TAPT1: variants seen among roughly 807,000 people sequenced by gnomAD.
TAPT1 encodes transmembrane anterior posterior transformation protein 1 homolog.
Under a neutral mutation model 65.6 loss-of-function variants are expected in TAPT1, and 28 were observed. The ratio of observed to expected loss-of-function variants is 0.43; its 90% confidence interval spans 0.32 to 0.59. The LOEUF is 0.59. Ranked by LOEUF, TAPT1 falls within the 20% of genes least tolerant of loss-of-function variation. TAPT1 has a pLI of 0.09. For missense variants in TAPT1, 563 were observed against 679.9 expected, an observed-to-expected ratio of 0.83 and a Z score of 1.91; for synonymous variants, 278 against 245.2, an observed-to-expected ratio of 1.13 and a Z score of -1.25.
chr4:16,207,233 A>G (rs892007444), intron 2 of TAPT1, among the ~76,000 whole-genome samples: 1 of 152,248 alleles, frequency 6.6e-6, no homozygotes, highest in Admixed American at 6.5e-5. Flanking sequence ...TAGGATGCCC[A>G]AGAAAACACT....
At chr4:16,226,162 G>T in intron 1 of TAPT1, 97 bp downstream of exon 1, 2 of 916,776 alleles carry the variant, frequency 2.2e-6, no homozygotes, top group African/African-American at 1.9e-5. Context: ...AACGGCAGCC[G>T]CGCGGCTCGG....
rs541692634 is a variant in TAPT1, at chr4:16,191,609, C to G, written c.450-86G>C. 46 of 1,286,006 alleles carry G rather than the reference C, an allele frequency of 3.6e-5. No individual in the cohort carries two copies. In the African/African-American group the frequency reaches 5.7e-4, roughly 16 times the overall value. The allele number at this position is 1,286,006 out of a possible 1,614,324, so 79.7% of individuals were successfully genotyped here. On this transcript the variant is annotated intron_variant, in intron 3 of 13. Transcript: ENST00000405303. ...ATAATCTTTACTCGATATACACTGG[C>G]ATACAAAGGTAAAAATAAGAATTAT...
chr4:16,214,512 C>T (rs904184370), intron 1 of TAPT1: 1 of 152,210 alleles, frequency 6.6e-6, no homozygotes, highest in Non-Finnish European at 1.5e-5. Context: ...TTCCATTCAC[C>T]CGTGTTTTTC....
chr4:16,207,404 T>C (rs917198822), intron 2 of TAPT1, among the ~76,000 whole-genome samples: 3 of 152,226 alleles, frequency 2.0e-5, no homozygotes, highest in Non-Finnish European at 4.4e-5. Context: ...TTGAAGTCCG[T>C]TCGTTTGAAA....
At chr4:16,194,666 T>C (rs74881021) in intron 3 of TAPT1, among the ~76,000 whole-genome samples, 3,427 of 152,232 alleles carry the variant, frequency 0.023, 129 homozygotes, top group African/African-American at 0.078. Flanking sequence ...AACTGGACTA[T>C]TATGATATAT....
At chr4:16,191,599 T>G in intron 3 of TAPT1, 76 bp from the exon 4 acceptor site, 3 of 1,369,190 alleles carry the variant, frequency 2.2e-6, no homozygotes, top group South Asian at 2.9e-5. Flanking sequence ...CTTTACTCGA[T>G]ATACACTGGC....
chr4:16,220,880 G>A (rs1440575362), intron 1 of TAPT1, among the ~76,000 whole-genome samples: 4 of 151,672 alleles, frequency 2.6e-5, no homozygotes, highest in Non-Finnish European at 5.9e-5. Flanking sequence ...CCAGGCTGCA[G>A]CCCAGTGGCA....
intron 12 of TAPT1, among the ~76,000 whole-genome samples, chr4:16,168,676 C>T (rs1037795298): frequency 6.6e-6 from 1 of 152,250 alleles, no homozygotes; most frequent in African/African-American, 2.4e-5. Context: ...TGCTTTTCTT[C>T]CTAATGATTC....
intron 2 of TAPT1, among the ~76,000 whole-genome samples, chr4:16,213,450 TAA>T (rs1364120604): frequency 6.6e-6 from 1 of 152,172 alleles, no homozygotes; most frequent in African/African-American, 2.4e-5. Flanking sequence ...CTGTTTCTAG[TAA>T]AAGAGAACTG....
intron 12 of TAPT1, among the ~76,000 whole-genome samples, chr4:16,168,190 T>C (rs1662651): frequency 0.24 from 36,155 of 151,920 alleles, 5,740 homozygotes; most frequent in African/African-American, 0.45. Context: ...CATCGCTCAC[T>C]GCAGCCTTGA....
chr4:16,174,186 TA>T lies in TAPT1; in HGVS notation c.1236+17del. Reference sequence around the variant, plus strand: ...ATGGCTACTTTGTTACAAAAAACATTAAAAAGTATGCACTTACTAAAACAGC... The same window carrying T: ...ATGGCTACTTTGTTACAAAAAACATTAAAAGTATGCACTTACTAAAACAGC... On this transcript the variant is annotated intron_variant, in intron 11 of 13. Coordinates refer to ENST00000405303, the MANE Select transcript of TAPT1 (RefSeq NM_153365.3). 1 of 1,570,950 alleles carries T rather than the reference TA, an allele frequency of 6.4e-7. No homozygotes were observed. The highest frequency in any genetic ancestry group is 1.2e-5 in the South Asian group (1 of 84,364).
In TAPT1 at chr4:16,174,705, G is replaced by T; in HGVS notation, c.1132C>A (p.Leu378Ile). 6.3e-7 allele frequency: 1 copy of T among 1,592,604 alleles called. No individual in the cohort carries two copies. The highest frequency in any genetic ancestry group is 1.1e-5 in the South Asian group (1 of 87,408). ...CGGCTGCTAACAAGGTCAAAAGCAA[G>T]ACTGGCTCTATATTCACTGTAGACC... ...ADVYSEYRAS[L>I]AFDLVSSRQK... The change falls in exon 10 of 14, where the codon CTT becomes ATT. Residue 378 changes from leucine (L) to isoleucine (I), a missense_variant. Physicochemically the swap from Leu to Ile is conservative, Grantham distance 5 (BLOSUM62 2). Around this residue, in one of 5 missense-constraint regions of TAPT1, gnomAD observed 104 missense variants for 102.5 expected, o/e 1.01. Transcript: ENST00000405303.
chr4:16,179,708 ATAAAG>A, intron 7 of TAPT1, 51 bp from the exon 8 acceptor site: 1 of 884,674 alleles, frequency 1.1e-6, no homozygotes, highest in Non-Finnish European at 1.7e-6. Flanking sequence ...AAACAACATA[ATAAAG>A]TACATATATA....
chr4:16,217,906 C>T (rs1425183223), intron 1 of TAPT1, among the ~76,000 whole-genome samples: 4 of 152,172 alleles, frequency 2.6e-5, no homozygotes, highest in Non-Finnish European at 2.9e-5. Context: ...ACCTGAACCT[C>T]AAACCCCCTG....
At chr4:16,207,744 A>G (rs1750429407) in intron 2 of TAPT1, among the ~76,000 whole-genome samples, 1 of 152,240 alleles carries the variant, frequency 6.6e-6, no homozygotes, top group Non-Finnish European at 1.5e-5. Flanking sequence ...TTCAACAATA[A>G]TAGTCTATGC....
chr4:16,202,526 G>A lies in TAPT1; in HGVS notation c.385C>T (p.Leu129=), dbSNP rs765243348. 1.2e-5 allele frequency: 18 copies of A among 1,552,602 alleles called. No homozygotes were observed. The highest frequency in any genetic ancestry group is 1.7e-4 in the Middle Eastern group (1 of 6,008). ...GCCAGGAAAACTCTTAAAGGAAGCA[G>A]GGTGAACACATACAAAAACGCATCC... The part of the protein sequence containing the change: ...CLDAFLYVFT[L]LPLRVFLALF... Residue 129 remains leucine, a synonymous_variant, in exon 3 of 14, where the codon CTG becomes TTG. Transcript: ENST00000405303.
intron 1 of TAPT1, among the ~76,000 whole-genome samples, chr4:16,225,076 G>A (rs1439281140): frequency 6.6e-6 from 1 of 152,190 alleles, no homozygotes; most frequent in Non-Finnish European, 1.5e-5. Flanking sequence ...ACTCTTGAAA[G>A]CAAATGTTTA....
chr4:16,178,257 G>C (rs1039028726), intron 8 of TAPT1, among the ~76,000 whole-genome samples: 4 of 152,126 alleles, frequency 2.6e-5, no homozygotes, highest in African/African-American at 2.4e-5. Flanking sequence ...TAGCCTGCTC[G>C]AGCTGCTGTG....
intron 7 of TAPT1, among the ~76,000 whole-genome samples, chr4:16,184,267 A>G (rs932556212): frequency 1.3e-5 from 2 of 152,218 alleles, no homozygotes; most frequent in African/African-American, 4.8e-5. Context: ...GAAATAATAC[A>G]TCATGTACAC....
Sources: allele counts gnomAD v4.1 joint callset (sites outside exome capture counted in the v4.1 genomes callset), GRCh38; gene constraint gnomAD v4.1.1; regional missense constraint gnomAD v4.1.1; transcripts MANE v1.5; gene names NCBI Gene and HGNC (gene_info 2026-07-23, HGNC 2026-07-21).